The following MAOB variants were observed in gnomAD, a reference collection of about 807,000 sequenced individuals.
MAOB encodes the protein monoamine oxidase B, also known as amine oxidase [flavin-containing] B.
In MAOB, 15 loss-of-function variants were observed where a neutral mutation model predicts 41.9. The ratio of observed to expected loss-of-function variants is 0.36; its 90% CI spans 0.24 to 0.55. MAOB has a LOEUF of 0.55. Among genes scored for constraint, MAOB ranks in the 20% least tolerant of loss-of-function variants. The pLI, the probability that MAOB is intolerant of heterozygous loss-of-function variation, is 0.86. For synonymous variants in MAOB, 167 were observed against 144.2 expected (o/e 1.16, Z -1.13); for missense variants, 345 against 398.7 (o/e 0.87, Z 1.15).
chrX:43,779,712 G>T (rs2034305076), intron 10 of MAOB, among the ~76,000 whole-genome samples: 1 of 111,309 alleles, frequency 9.0e-6, no homozygotes, highest in Non-Finnish European at 1.9e-5. Flanking sequence ...TACGGCCCTG[G>T]CTATGTGCAG....
At chrX:43,779,699 C>T (rs1014572375) in intron 10 of MAOB, among the ~76,000 whole-genome samples, 3 of 111,121 alleles carry the variant, frequency 2.7e-5, no homozygotes, top group Non-Finnish European at 5.7e-5. Context: ...CGAGGCAGAC[C>T]GCTACGGCCC....
At chrX:43,795,616 G>T in intron 7 of MAOB, 123 bp downstream of exon 7, 1 of 572,517 alleles carries the variant, frequency 1.7e-6, no homozygotes. Context: ...GCTACCTAGG[G>T]GCTGCCAGCC....
chrX:43,811,337 T>C (rs746425509), intron 3 of MAOB, among the ~76,000 whole-genome samples: 3 of 111,700 alleles, frequency 2.7e-5, no homozygotes, highest in African/African-American at 9.8e-5. Context: ...ACAGGTGGCC[T>C]GGTCCTTCTC....
chrX:43,839,029 A>T lies in MAOB; in HGVS notation c.142-24T>A, dbSNP rs370517376. 5.1e-4 allele frequency: 562 copies of T among 1,101,168 alleles called. 3 individuals carry two copies. The highest frequency in any genetic ancestry group is 4.5e-3 in the South Asian group (198 of 44,271). 90.7% of individuals were successfully genotyped at this position (1,101,168 alleles called of 1,213,427 possible). On this transcript the variant is annotated intron_variant, in intron 2 of 14. Transcript: ENST00000378069. ...TTCTGTTTTCCCATAGGAAAAAATTAAAAAAAATTTGTAAAAAATGTATAA... is the reference window on the plus strand; with the variant it reads ...TTCTGTTTTCCCATAGGAAAAAATTTAAAAAAATTTGTAAAAAATGTATAA...
intron 1 of MAOB, among the ~76,000 whole-genome samples, chrX:43,856,322 G>A (rs1010491138): frequency 2.7e-5 from 3 of 112,236 alleles, no homozygotes; most frequent in African/African-American, 9.7e-5. Flanking sequence ...GACCTCTGGC[G>A]ATCCGCCTGC....
At chrX:43,792,797 C>G (rs759120155) in intron 8 of MAOB, among the ~76,000 whole-genome samples, 2 of 111,805 alleles carry the variant, frequency 1.8e-5, no homozygotes, top group Non-Finnish European at 1.9e-5. Context: ...AAAAATGGAA[C>G]TATCATGCGA....
chrX:43,780,285 G>A (rs2034312900), intron 10 of MAOB, 57 bp downstream of exon 10: 2 of 937,914 alleles, frequency 2.1e-6, no homozygotes, highest in African/African-American at 4.0e-5. Context: ...GGGAGGGAGG[G>A]ATGGAGTGGG....
intron 1 of MAOB, among the ~76,000 whole-genome samples, chrX:43,847,110 G>A (rs1017003150): frequency 3.6e-5 from 4 of 112,114 alleles, no homozygotes; most frequent in South Asian, 3.7e-4. Context: ...TTGGGAAGCC[G>A]AGGCAGGCAG....
intron 3 of MAOB, among the ~76,000 whole-genome samples, chrX:43,822,240 T>C (rs1464667152): frequency 8.9e-6 from 1 of 112,375 alleles, no homozygotes; most frequent in Non-Finnish European, 1.9e-5. Flanking sequence ...TTCACTTAGA[T>C]GAGTCAGAAT....
chrX:43,772,511 G>C (rs1332284396), intron 12 of MAOB, among the ~76,000 whole-genome samples: 1 of 111,632 alleles, frequency 9.0e-6, no homozygotes, highest in East Asian at 2.8e-4. Flanking sequence ...TTAAAACAAA[G>C]CCAAAAACAA....
chrX:43,826,259 T>C (rs924793917), intron 3 of MAOB, among the ~76,000 whole-genome samples: 2 of 111,983 alleles, frequency 1.8e-5, no homozygotes, highest in African/African-American at 3.3e-5. Flanking sequence ...CCTGACACCA[T>C]ACTAGGTGGC....
chrX:43,825,516 C>G lies in MAOB; in HGVS notation c.279+13352G>C, dbSNP rs191077671. ...CTTGAAATTGGATCCCACCCTCTCA[C>G]ATAACCCCACACTCCCGTTCTCCAT... is the stretch of plus-strand genomic sequence containing the variant. On this transcript the variant is annotated intron_variant, in intron 3 of 14. Transcript: ENST00000378069. Among the ~76,000 whole-genome samples, 3 of 111,315 alleles carry G rather than the reference C, an allele frequency of 2.7e-5. No individual in the cohort carries two copies. In the East Asian group the frequency reaches 8.4e-4, roughly 31 times the overall value.
chrX:43,771,496 T>A (rs1446584976), intron 12 of MAOB, among the ~76,000 whole-genome samples: 7 of 111,550 alleles, frequency 6.3e-5, no homozygotes, highest in African/African-American at 2.0e-4. Flanking sequence ...GAGGAACACC[T>A]GTATTAGTAT....
At chrX:43,783,039 T>G (rs1021369661) in intron 8 of MAOB, among the ~76,000 whole-genome samples, 1 of 112,057 alleles carries the variant, frequency 8.9e-6, no homozygotes, top group African/African-American at 3.2e-5. Context: ...AATATCATAC[T>G]GAATGGGCAA....
intron 3 of MAOB, among the ~76,000 whole-genome samples, chrX:43,824,953 C>T (rs1216471977): frequency 8.9e-6 from 1 of 112,798 alleles, no homozygotes. Flanking sequence ...TACTTCAAAC[C>T]TTCCAGTGGC....
intron 1 of MAOB, among the ~76,000 whole-genome samples, chrX:43,875,836 C>T (rs1440569056): frequency 1.8e-5 from 2 of 111,977 alleles, no homozygotes; most frequent in Non-Finnish European, 3.8e-5. Context: ...ATTGAAGAAA[C>T]TTGGCTGAAG....
In MAOB at chrX:43,793,551, G is replaced by A; in HGVS notation, c.796C>T (p.Pro266Ser). The change falls in exon 8 of 15, where the codon CCT becomes TCT. Residue 266 changes from proline to serine, a missense_variant. Physicochemically the swap from Pro to Ser is moderately conservative, Grantham distance 74. Coordinates refer to ENST00000378069, the MANE Select transcript of MAOB (RefSeq NM_000898.5). ...AAGTGAATCTTCATGCCCAGAGTAG[G>A]AGGAATAGCACTAATCACATATTTA... ...EAKYVISAIP[P>S]TLGMKIHFNP... The A allele has an allele frequency of 8.3e-7, 1 of 1,203,421 alleles. No individual in the cohort carries two copies. Among genetic ancestry groups the A allele is most frequent in the Non-Finnish European group, 1.1e-6 (1 of 890,838 alleles).
At chrX:43,875,647 C>T (rs371438277) in intron 1 of MAOB, among the ~76,000 whole-genome samples, 1 of 111,863 alleles carries the variant, frequency 8.9e-6, no homozygotes, top group African/African-American at 3.3e-5. Context: ...TACACCTGAA[C>T]GTGGCCCCTC....
Position 43,808,699 on chromosome X carries a change from GACAC to G in MAOB, c.280-5299_280-5296del, listed in dbSNP as rs147523888. Among the ~76,000 whole-genome samples, 77 of 87,613 alleles carry G rather than the reference GACAC, an allele frequency of 8.8e-4. 2 individuals are homozygous for G. The highest frequency in any genetic ancestry group is 1.6e-3 in the South Asian group (3 of 1,871). 76.1% of individuals were successfully genotyped at this position (87,613 alleles called of 115,157 possible). A position where few individuals can be genotyped will look rare whatever the true frequency, so the allele number is the denominator to read the frequency against. ...ATATCTATATCTATATCTACACATA[GACAC>G]ACACACACACACACACACACACACA... On this transcript the variant is annotated intron_variant, in intron 3 of 14. Transcript: ENST00000378069.
Sources: gnomAD v4.1 joint callset for allele counts (sites outside exome capture counted in the v4.1 genomes callset) on GRCh38, gnomAD v4.1.1 for gene constraint, MANE v1.5 for transcripts, NCBI Gene and HGNC (gene_info 2026-07-23, HGNC 2026-07-21) for gene names.